RIC3: variants seen among roughly 807,000 people sequenced by gnomAD.
The protein encoded by RIC3 is RIC3 acetylcholine receptor chaperone, also known as protein RIC-3.
A neutral mutation model predicts 27.3 loss-of-function variants in RIC3; 28 were observed. That is an observed-to-expected ratio of 1.02 (90% CI 0.76 to 1.41). RIC3 has a LOEUF of 1.41. RIC3 is among the 40% of genes most tolerant of loss of function. The pLI is 0.00. For missense variants in RIC3, 501 were observed against 444.7 expected (o/e 1.13, Z -1.14); for synonymous variants, 184 against 160.4 (o/e 1.15, Z -1.11).
At chr11:8,097,408 C>T in the RIC3 span, 46 of 1,614,046 alleles carry the variant, frequency 2.8e-5, no homozygotes, top group Non-Finnish European at 3.7e-5. Flanking sequence ...GCACCTGGAC[C>T]GTGAGGATGG....
the RIC3 span, among the ~76,000 whole-genome samples, chr11:8,099,079 A>G: frequency 1.3e-5 from 2 of 152,128 alleles, no homozygotes; most frequent in African/African-American, 4.8e-5. Flanking sequence ...ACAGCCGGCC[A>G]TCTGCTTGGG....
At chr11:8,101,840 GAATA>G, downstream of RIC3, 30 of 475,904 alleles carry the variant, frequency 6.3e-5, no homozygotes, top group South Asian at 1.2e-3. Flanking sequence ...GAAGGGATGA[GAATA>G]ATTCTTTCCA....
At chr11:8,153,142 T>C (rs1950382789) in intron 1 of RIC3, among the ~76,000 whole-genome samples, 1 of 152,166 alleles carries the variant, frequency 6.6e-6, no homozygotes, top group South Asian at 2.1e-4. Flanking sequence ...AAGAGGGATT[T>C]GGAGAGCAAT....
At chr11:8,163,161 A>G (rs542623518) in intron 1 of RIC3, among the ~76,000 whole-genome samples, 1 of 152,238 alleles carries the variant, frequency 6.6e-6, no homozygotes, top group African/African-American at 2.4e-5. Flanking sequence ...AATATGCCAC[A>G]TCAGTAAAGG....
At chr11:8,127,719 T>C (rs1241212294) in intron 4 of RIC3, among the ~76,000 whole-genome samples, 2 of 152,208 alleles carry the variant, frequency 1.3e-5, no homozygotes, top group East Asian at 1.9e-4. Flanking sequence ...AGGCTACTTA[T>C]TCTCTTCTTA....
chr11:8,151,638 G>A (rs1950242788), intron 1 of RIC3, among the ~76,000 whole-genome samples: 1 of 149,292 alleles, frequency 6.7e-6, no homozygotes, highest in African/African-American at 2.5e-5. Flanking sequence ...CTGTGGCCAG[G>A]TGTGGGGGCT....
intron 5 of RIC3, among the ~76,000 whole-genome samples, chr11:8,119,082 G>A (rs1946180922): frequency 6.6e-6 from 1 of 152,026 alleles, no homozygotes; most frequent in Admixed American, 6.6e-5. Context: ...AACAAAATAA[G>A]GTAAATGGGA....
chr11:8,101,088 C>A, downstream of RIC3: 2 of 1,462,040 alleles, frequency 1.4e-6, no homozygotes, highest in Non-Finnish European at 1.9e-6. Flanking sequence ...CCTACACTGG[C>A]TAGAGTTTAA....
intron 5 of RIC3, among the ~76,000 whole-genome samples, chr11:8,111,780 G>T (rs796227074): frequency 1.8e-4 from 28 of 152,308 alleles, no homozygotes; most frequent in African/African-American, 6.0e-4. Context: ...CAACAAACTG[G>T]CAAACAAAAT....
intron 1 of RIC3, among the ~76,000 whole-genome samples, chr11:8,160,824 G>A (rs1461810078): frequency 6.6e-6 from 1 of 152,200 alleles, no homozygotes; most frequent in Admixed American, 6.5e-5. Context: ...TACCAGGAAC[G>A]GATGAGGGAG....
intron 5 of RIC3, among the ~76,000 whole-genome samples, chr11:8,123,041 T>C (rs1016198963): frequency 7.3e-5 from 11 of 151,526 alleles, no homozygotes; most frequent in Admixed American, 2.0e-4. Flanking sequence ...AAATGAGACA[T>C]AAAAAAGACC....
In RIC3 at chr11:8,125,700, G is replaced by A. The variant is rs189280726; in HGVS notation, c.670+959C>T. Among the ~76,000 whole-genome samples, 397 of 152,348 alleles carry A rather than the reference G, an allele frequency of 2.6e-3. 2 individuals carry two copies. Among genetic ancestry groups the A allele is most frequent in the African/African-American group, 9.2e-3 (384 of 41,564 alleles). ...ACCGCTGGTGGGAAGGGAAAAAGTAGACCTACTTAGGAAAGCAGGTTGACA... is the reference window on the plus strand; with the variant it reads ...ACCGCTGGTGGGAAGGGAAAAAGTAAACCTACTTAGGAAAGCAGGTTGACA... On this transcript the variant is annotated intron_variant, in intron 5 of 5. Transcript: ENST00000309737.
At chr11:8,093,337 G>A in the RIC3 span, among the ~76,000 whole-genome samples, 1 of 152,310 alleles carries the variant, frequency 6.6e-6, no homozygotes, top group East Asian at 1.9e-4. Context: ...CCAGCCTGGT[G>A]TGGCTGCAAC....
chr11:8,097,774 G>A, the RIC3 span: 1 of 1,614,114 alleles, frequency 6.2e-7, no homozygotes, highest in African/African-American at 1.3e-5. Flanking sequence ...CCTCATCTCT[G>A]TGGACCCAAC....
chr11:8,130,945 C>A (rs186687411), intron 4 of RIC3, among the ~76,000 whole-genome samples: 17 of 151,942 alleles, frequency 1.1e-4, no homozygotes, highest in Admixed American at 4.6e-4. Context: ...ACGTAAGCTA[C>A]GTTAAAGATT....
chr11:8,114,606 C>CA (rs58294024), intron 5 of RIC3, among the ~76,000 whole-genome samples: 109,737 of 136,556 alleles, frequency 0.8, 44,562 homozygotes, highest in East Asian at 0.89. Context: ...AACTCCATCT[C>CA]AAAAAAAAAA....
chr11:8,101,839 A>T, downstream of RIC3: 4 of 478,086 alleles, frequency 8.4e-6, no homozygotes, highest in South Asian at 7.7e-5. Flanking sequence ...TGAAGGGATG[A>T]GAATAATTCT....
chr11:8,093,148 GACA>G, the RIC3 span, among the ~76,000 whole-genome samples: 1 of 152,048 alleles, frequency 6.6e-6, no homozygotes, highest in South Asian at 2.1e-4. Context: ...GTGAGTAGAT[GACA>G]ACACCTGCTC....
At chr11:8,131,966 C>T (rs549481010) in intron 4 of RIC3, among the ~76,000 whole-genome samples, 126 of 148,998 alleles carry the variant, frequency 8.5e-4, no homozygotes, top group Non-Finnish European at 1.4e-3. Flanking sequence ...TCCTTAGTAC[C>T]GACTATACAA....
Sources: allele counts gnomAD v4.1 joint callset (sites outside exome capture counted in the v4.1 genomes callset), GRCh38; gene constraint gnomAD v4.1.1; transcripts MANE v1.5; gene names NCBI Gene and HGNC (gene_info 2026-07-23, HGNC 2026-07-21).